GRIN2B: variants seen among roughly 807,000 people sequenced by gnomAD.
GRIN2B encodes glutamate ionotropic receptor NMDA type subunit 2B, also known as glutamate receptor ionotropic, NMDA 2B.
GRIN2B carries 5 observed loss-of-function variants against 114.5 expected under a neutral mutation model. The observed-to-expected ratio is 0.04, with a 90% CI of 0.02 to 0.09. GRIN2B has a LOEUF of 0.09. Ranked by LOEUF, GRIN2B falls within the 10% of genes least tolerant of loss-of-function variation. GRIN2B has a pLI of 1.00. For synonymous variants in GRIN2B, 787 were observed against 745.1 expected (o/e 1.06, Z -0.92); for missense variants, 1,108 against 1,943.5 (o/e 0.57, Z 8.08).
intron 5 of GRIN2B, among the ~76,000 whole-genome samples, chr12:13,624,852 G>T (rs987695863): frequency 6.6e-6 from 1 of 152,178 alleles, no homozygotes; most frequent in African/African-American, 2.4e-5. Flanking sequence ...TTGCTGCTAG[G>T]CACTGCCCTC....
At chr12:13,800,462 A>G (rs1324464913) in intron 3 of GRIN2B, among the ~76,000 whole-genome samples, 1 of 152,208 alleles carries the variant, frequency 6.6e-6, no homozygotes, top group Non-Finnish European at 1.5e-5. Context: ...TCTTTGCTAA[A>G]GTGGCTTCAT....
intron 2 of GRIN2B, among the ~76,000 whole-genome samples, chr12:13,906,008 T>C (rs1866529123): frequency 6.6e-6 from 1 of 152,200 alleles, no homozygotes; most frequent in Admixed American, 6.5e-5. Context: ...TGCCCTCTTC[T>C]GCCAGGCCAT....
In GRIN2B at chr12:13,757,381, C is replaced by T. The variant is rs1007544468; in HGVS notation, c.412-3466G>A. Among the ~76,000 whole-genome samples the T allele has an allele frequency of 6.6e-5, 10 of 152,050 alleles. No individual in the cohort carries two copies. In the East Asian group the frequency reaches 1.7e-3, roughly 26 times the overall value. ...GGTGACAGGCTTTGCAAATTATGGC[C>T]ATAGCCACAAATAAAAGGGAAATCT... On this transcript the variant is annotated intron_variant, in intron 3 of 13. Coordinates refer to ENST00000609686, the MANE Select transcript of GRIN2B (RefSeq NM_000834.5).
At chr12:13,967,375 TAA>T (rs1867806007) in intron 2 of GRIN2B, among the ~76,000 whole-genome samples, 1 of 152,236 alleles carries the variant, frequency 6.6e-6, no homozygotes, top group Non-Finnish European at 1.5e-5. Flanking sequence ...GCAAAGAGTT[TAA>T]GAGTGTGAAC....
At position 13,563,725 on chromosome 12, in the gene GRIN2B, C is replaced by G; in HGVS notation, c.3513G>C (p.Gly1171=). The G allele has an allele frequency of 6.2e-7, 1 of 1,613,680 alleles. No homozygotes were observed. Among genetic ancestry groups the G allele is most frequent in the African/African-American group, 1.3e-5 (1 of 75,038 alleles). Reference sequence around the variant, plus strand: ...TGATGTGAGACCTGTTGGTACAGGGCCCTCCTCCGCTGACGGAGTCGCGCT... The same window carrying G: ...TGATGTGAGACCTGTTGGTACAGGGGCCTCCTCCGCTGACGGAGTCGCGCT... ...DFKRDSVSGG[G]PCTNRSHIKH... The change falls in exon 14 of 14, where the codon GGG becomes GGC. Residue 1171 remains glycine (G), a synonymous_variant. Coordinates refer to ENST00000609686, the MANE Select transcript of GRIN2B (RefSeq NM_000834.5).
At chr12:13,921,930 T>C (rs914651482) in intron 2 of GRIN2B, among the ~76,000 whole-genome samples, 2 of 152,130 alleles carry the variant, frequency 1.3e-5, no homozygotes, top group East Asian at 1.9e-4. Flanking sequence ...GGTTAAATGA[T>C]AAGAAATATA....
In GRIN2B at chr12:13,794,842, A is replaced by T. The variant is rs551060279; in HGVS notation, c.412-40927T>A. Reference sequence around the variant, plus strand: ...CCCAGGAGGTGATCAGTGAGTCCAGATGGACACCAAGCTACCTCATTGTCC... The same window carrying T: ...CCCAGGAGGTGATCAGTGAGTCCAGTTGGACACCAAGCTACCTCATTGTCC... On this transcript the variant is annotated intron_variant, in intron 3 of 13. Coordinates refer to ENST00000609686, the MANE Select transcript of GRIN2B (RefSeq NM_000834.5). 6.6e-5 allele frequency among the ~76,000 whole-genome samples: 10 copies of T among 152,320 alleles called. No homozygotes were observed. The East Asian group carries it at 1.9e-3, about 29-fold the overall frequency.
chr12:13,807,100 A>G (rs4764034), intron 3 of GRIN2B, among the ~76,000 whole-genome samples: 40,001 of 151,988 alleles, frequency 0.26, 5,545 homozygotes, highest in South Asian at 0.39. Flanking sequence ...AAATCTCATT[A>G]GATTGCTTAG....
intron 10 of GRIN2B, among the ~76,000 whole-genome samples, chr12:13,574,586 A>G (rs752318889): frequency 1.3e-5 from 2 of 152,142 alleles, no homozygotes; most frequent in Non-Finnish European, 2.9e-5. Context: ...ACTAAATTTT[A>G]TGGTAACTAA....
At chr12:13,912,236 A>C (rs1004850437) in intron 2 of GRIN2B, among the ~76,000 whole-genome samples, 2 of 152,122 alleles carry the variant, frequency 1.3e-5, no homozygotes, top group African/African-American at 4.8e-5. Flanking sequence ...CTGTGCAGTG[A>C]ATAATAACCA....
chr12:13,776,347 A>T (rs1864003218), intron 3 of GRIN2B, among the ~76,000 whole-genome samples: 1 of 152,154 alleles, frequency 6.6e-6, no homozygotes, highest in South Asian at 2.1e-4. Flanking sequence ...TGATGGGATG[A>T]TCTGTGCAGC....
chr12:13,908,701 A>C (rs1369140506), intron 2 of GRIN2B, among the ~76,000 whole-genome samples: 1 of 152,138 alleles, frequency 6.6e-6, no homozygotes, highest in African/African-American at 2.4e-5. Context: ...CATGAAGGCA[A>C]CTGTCATGCC....
chr12:13,626,724 T>C (rs1251142182), intron 5 of GRIN2B, among the ~76,000 whole-genome samples: 1 of 151,768 alleles, frequency 6.6e-6, no homozygotes, highest in African/African-American at 2.4e-5. Flanking sequence ...ATGAGTTCCT[T>C]AATCTTTTTA....
intron 3 of GRIN2B, among the ~76,000 whole-genome samples, chr12:13,859,754 G>C (rs754980958): frequency 6.6e-6 from 1 of 152,174 alleles, no homozygotes; most frequent in Admixed American, 6.5e-5. Flanking sequence ...TCCCCATCAA[G>C]AAAGAAGAAA....
intron 3 of GRIN2B, among the ~76,000 whole-genome samples, chr12:13,809,382 C>G (rs1223938513): frequency 1.3e-5 from 2 of 152,190 alleles, no homozygotes; most frequent in African/African-American, 2.4e-5. Flanking sequence ...TAAGACAGTT[C>G]ATCTCTGTGA....
At chr12:13,621,621 T>TG (rs1565480162) in intron 5 of GRIN2B, among the ~76,000 whole-genome samples, 5 of 145,158 alleles carry the variant, frequency 3.4e-5, no homozygotes, top group East Asian at 2.0e-4. Context: ...TTGTTTTTTT[T>TG]TTTTTTTTTT....
intron 5 of GRIN2B, among the ~76,000 whole-genome samples, chr12:13,665,842 G>A (rs774549491): frequency 6.6e-6 from 1 of 152,064 alleles, no homozygotes; most frequent in Non-Finnish European, 1.5e-5. Flanking sequence ...GATCCTATAG[G>A]GAAAATGGAA....
intron 4 of GRIN2B, among the ~76,000 whole-genome samples, chr12:13,703,037 G>A (rs574258244): frequency 3.9e-5 from 6 of 152,270 alleles, no homozygotes; most frequent in East Asian, 1.9e-4. Context: ...GAATGGACAC[G>A]TTAAAAAATT....
At chr12:13,677,263 A>T (rs1163373127) in intron 4 of GRIN2B, among the ~76,000 whole-genome samples, 1 of 152,178 alleles carries the variant, frequency 6.6e-6, no homozygotes, top group African/African-American at 2.4e-5. Flanking sequence ...ATGCTAAAGG[A>T]GGCAGCTTGA....
Sources: allele counts gnomAD v4.1 joint callset (sites outside exome capture counted in the v4.1 genomes callset), GRCh38; gene constraint gnomAD v4.1.1; transcripts MANE v1.5; gene names NCBI Gene and HGNC (gene_info 2026-07-23, HGNC 2026-07-21).